Variants in GALNT18 observed in about 807,000 individuals in gnomAD.
GALNT18 encodes the protein polypeptide N-acetylgalactosaminyltransferase 18, also known as GalNAc-transferase 18.
GALNT18 carries 44 observed loss-of-function variants against 69.5 expected under a neutral mutation model. The ratio of observed to expected loss-of-function variants is 0.63; its 90% CI spans 0.50 to 0.81. The LOEUF is 0.81. GALNT18 is among the 40% of genes least tolerant of loss of function. The pLI is 0.00. For missense variants in GALNT18, 715 were observed against 810.0 expected (o/e 0.88, Z 1.42); for synonymous variants, 364 against 318.2 (o/e 1.14, Z -1.53).
intron 6 of GALNT18, among the ~76,000 whole-genome samples, chr11:11,342,828 G>A (rs1850233467): frequency 6.6e-6 from 1 of 152,196 alleles, no homozygotes; most frequent in Non-Finnish European, 1.5e-5. Flanking sequence ...ATCTCACTGT[G>A]CTTCTGTTTC....
In GALNT18 at chr11:11,271,051, C is replaced by T. The variant is rs899700174; in HGVS notation, c.*93G>A. 44 of 1,241,700 alleles carry T rather than the reference C, an allele frequency of 3.5e-5. 2 individuals carry two copies. In the South Asian group the frequency reaches 6.7e-4, roughly 19 times the overall value. 76.9% of individuals were successfully genotyped at this position (1,241,700 alleles called of 1,614,324 possible). On this transcript the variant is annotated 3_prime_UTR_variant, in exon 11 of 11. Coordinates refer to ENST00000227756, the MANE Select transcript of GALNT18 (RefSeq NM_198516.3). ...TCTTGGGGGCCCACTAACCTGGTTC[C>T]CCAGACTCCAAACAACCCCACGTGG...
chr11:11,553,277 C>T (rs56178471), intron 1 of GALNT18, among the ~76,000 whole-genome samples: 31,576 of 152,172 alleles, frequency 0.21, 3,835 homozygotes, highest in Non-Finnish European at 0.26. Flanking sequence ...GCCACCAGGG[C>T]GCTGAGGTCC....
At chr11:11,424,490 A>C (rs77306349) in intron 3 of GALNT18, among the ~76,000 whole-genome samples, 9,862 of 152,268 alleles carry the variant, frequency 0.065, 484 homozygotes, top group Non-Finnish European at 0.099. Flanking sequence ...GATGGTGACC[A>C]CATCTACCTC....
Position 11,436,853 on chromosome 11 carries a change from G to A in GALNT18, c.429-4066C>T, listed in dbSNP as rs1222131806. 2.0e-5 allele frequency among the ~76,000 whole-genome samples: 3 copies of A among 152,216 alleles called. No individual in the cohort carries two copies. Among genetic ancestry groups the A allele is most frequent in the African/African-American group, 7.2e-5 (3 of 41,454 alleles). On this transcript the variant is annotated intron_variant, in intron 2 of 10. Coordinates refer to ENST00000227756, the MANE Select transcript of GALNT18 (RefSeq NM_198516.3). This position sits in a 1 kb window ranked among gnomAD's most constrained non-coding sequence, Gnocchi z 4.5. ...AAGAACACGCCTCCAAGAGCTGCGT[G>A]GGAGAGGACTGCTCTGGACCCAAGC...
chr11:11,281,826 G>A (rs1040545252), intron 10 of GALNT18, among the ~76,000 whole-genome samples: 11 of 152,040 alleles, frequency 7.2e-5, no homozygotes, highest in East Asian at 1.9e-4. Flanking sequence ...TGGGGGAGGC[G>A]GGTGGATGGG....
chr11:11,611,713 C>T (rs903502940), intron 1 of GALNT18, among the ~76,000 whole-genome samples: 2 of 152,152 alleles, frequency 1.3e-5, no homozygotes, highest in East Asian at 1.9e-4. Context: ...GCACTCAGCC[C>T]GGTGCCTGGG....
At chr11:11,579,254 C>T (rs1859011421) in intron 1 of GALNT18, among the ~76,000 whole-genome samples, 1 of 152,184 alleles carries the variant, frequency 6.6e-6, no homozygotes, top group Non-Finnish European at 1.5e-5. Flanking sequence ...TACTGAGCCA[C>T]CCTGGTCTGC....
intron 3 of GALNT18, among the ~76,000 whole-genome samples, chr11:11,416,702 A>T (rs1476952332): frequency 6.6e-6 from 1 of 152,160 alleles, no homozygotes; most frequent in Non-Finnish European, 1.5e-5. Context: ...CCGCCACCAC[A>T]CCAACCACAG....
intron 1 of GALNT18, among the ~76,000 whole-genome samples, chr11:11,597,054 G>T (rs1303400817): frequency 6.6e-6 from 1 of 152,118 alleles, no homozygotes; most frequent in African/African-American, 2.4e-5. Flanking sequence ...CTTTTGAGAT[G>T]ATCATGCGGT....
chr11:11,529,821 T>A (rs950013451), intron 1 of GALNT18, among the ~76,000 whole-genome samples: 1 of 152,182 alleles, frequency 6.6e-6, no homozygotes, highest in African/African-American at 2.4e-5. Context: ...CACATATGTA[T>A]GAGTGTGTAT....
intron 6 of GALNT18, among the ~76,000 whole-genome samples, chr11:11,346,885 C>T (rs1850313207): frequency 6.6e-6 from 1 of 152,130 alleles, no homozygotes; most frequent in Admixed American, 6.5e-5. Context: ...TAAATCCTGG[C>T]TCTGTCATAT....
At chr11:11,544,967 T>C (rs2133960928) in intron 1 of GALNT18, among the ~76,000 whole-genome samples, 1 of 152,332 alleles carries the variant, frequency 6.6e-6, no homozygotes, top group Admixed American at 6.5e-5. Context: ...GCAAAGCTCT[T>C]AATTACTACA....
intron 2 of GALNT18, among the ~76,000 whole-genome samples, chr11:11,434,598 G>A (rs1466307934): frequency 6.6e-6 from 1 of 152,222 alleles, no homozygotes; most frequent in Non-Finnish European, 1.5e-5. Flanking sequence ...AGGCCTCTCT[G>A]AGGAAGAGAG....
intron 9 of GALNT18, among the ~76,000 whole-genome samples, chr11:11,311,379 C>T (rs983925216): frequency 1.3e-5 from 2 of 152,200 alleles, no homozygotes; most frequent in African/African-American, 4.8e-5. Context: ...TATACTCTGT[C>T]ACTGGCTTGC....
intron 6 of GALNT18, among the ~76,000 whole-genome samples, chr11:11,370,246 G>A (rs1310737845): frequency 2.0e-5 from 3 of 152,226 alleles, no homozygotes; most frequent in Admixed American, 2.0e-4. Context: ...CTCTGCTTAA[G>A]AGAAGGGTGA....
rs986132216 is a variant in GALNT18, at chr11:11,555,653, G to T, written c.235+65706C>A. On this transcript the variant is annotated intron_variant, in intron 1 of 10. Transcript: ENST00000227756. The surrounding 1 kb of genome is among the most constrained non-coding windows in gnomAD (Gnocchi z 4.7). ...GAAACACCCACTAAAGACACGTCCT[G>T]CCAGACTTTCCTCATTTCCTTAACA... 6.6e-6 allele frequency among the ~76,000 whole-genome samples: 1 copy of T among 152,204 alleles called. No individual in the cohort carries two copies. Among genetic ancestry groups the T allele is most frequent in the Non-Finnish European group, 1.5e-5 (1 of 68,034 alleles).
intron 3 of GALNT18, among the ~76,000 whole-genome samples, chr11:11,388,755 A>C (rs1469010741): frequency 3.3e-5 from 5 of 152,242 alleles, no homozygotes. Context: ...TGTGCTCAGC[A>C]CTTCAGATCA....
intron 6 of GALNT18, among the ~76,000 whole-genome samples, chr11:11,345,910 G>A: frequency 6.6e-6 from 1 of 152,150 alleles, no homozygotes; most frequent in East Asian, 1.9e-4. Context: ...GAGTCCTGCA[G>A]GCACTGGGCA....
intron 3 of GALNT18, among the ~76,000 whole-genome samples, chr11:11,406,259 AC>A (rs1854585663): frequency 6.6e-6 from 1 of 152,194 alleles, no homozygotes; most frequent in South Asian, 2.1e-4. Context: ...GTTGTAGACA[AC>A]CCTCCTTTGG....
Sources: gnomAD v4.1 joint callset for allele counts (sites outside exome capture counted in the v4.1 genomes callset) on GRCh38, gnomAD v4.1.1 for gene constraint, Gnocchi (gnomAD v3.1) non-coding constraint, MANE v1.5 for transcripts, NCBI Gene and HGNC (gene_info 2026-07-23, HGNC 2026-07-21) for gene names.